FAT3: variants seen among roughly 807,000 people sequenced by gnomAD.
FAT3 encodes the protein protocadherin Fat 3.
FAT3 carries 95 observed loss-of-function variants against 310.2 expected under a neutral mutation model. The ratio of observed to expected loss-of-function variants is 0.31; its 90% CI spans 0.26 to 0.36. The LOEUF (loss-of-function observed/expected upper bound fraction) is 0.36, where lower values mean the gene tolerates loss of function less well. Among genes scored for constraint, FAT3 ranks in the 10% least tolerant of loss-of-function variants. The probability of loss-of-function intolerance (pLI) is 1.00; values close to 1 mark genes in which losing one functional copy is unlikely to be tolerated. For synonymous variants in FAT3, 2,314 were observed against 2,192.9 expected, an observed-to-expected ratio of 1.06 and a Z score of -1.54; for missense variants, 5,408 against 5,715.6, an observed-to-expected ratio of 0.95 and a Z score of 1.74.
chr11:92,564,480 A>T (rs996444434), intron 3 of FAT3, among the ~76,000 whole-genome samples: 10 of 151,324 alleles, frequency 6.6e-5, no homozygotes, highest in African/African-American at 2.4e-4. Flanking sequence ...CAGATCAACG[A>T]GACAGAAAGT....
At chr11:92,697,199 G>A (rs927083175) in intron 3 of FAT3, among the ~76,000 whole-genome samples, 185 bp from the exon 4 acceptor site, 2 of 152,116 alleles carry the variant, frequency 1.3e-5, no homozygotes, top group Admixed American at 6.5e-5. Flanking sequence ...AATTTTTCAG[G>A]TTTTCTTTGT....
chr11:92,872,981 T>C (rs935927605), intron 22 of FAT3, among the ~76,000 whole-genome samples: 1 of 152,208 alleles, frequency 6.6e-6, no homozygotes, highest in African/African-American at 2.4e-5. Context: ...TTTGGATGTT[T>C]CCCAGTCTTC....
intron 4 of FAT3, among the ~76,000 whole-genome samples, chr11:92,721,402 A>C (rs548738885): frequency 3.4e-4 from 52 of 152,324 alleles, no homozygotes; most frequent in Non-Finnish European, 5.9e-4. Flanking sequence ...AAACAGGTGA[A>C]CTTTATGGTA....
chr11:92,418,432 C>T (rs1370395166), intron 2 of FAT3, among the ~76,000 whole-genome samples: 1 of 101,196 alleles, frequency 9.9e-6, no homozygotes, highest in African/African-American at 3.8e-5. Context: ...CCCCCCACCC[C>T]CCCACACACA....
intron 1 of FAT3, among the ~76,000 whole-genome samples, chr11:92,269,219 C>G (rs1391980477): frequency 6.6e-6 from 1 of 151,990 alleles, no homozygotes. Context: ...TTGACAGATT[C>G]CAGAAATGCC....
At chr11:92,266,449 T>G (rs745534566) in intron 1 of FAT3, among the ~76,000 whole-genome samples, 4 of 152,222 alleles carry the variant, frequency 2.6e-5, no homozygotes, top group Non-Finnish European at 4.4e-5. Flanking sequence ...GTGGCCTCAG[T>G]TGATAGGTAC....
chr11:92,814,711 G>A (rs984605822), intron 13 of FAT3, among the ~76,000 whole-genome samples: 10 of 152,186 alleles, frequency 6.6e-5, no homozygotes, highest in Non-Finnish European at 1.3e-4. Context: ...GCCTGTTGGA[G>A]TGTAGGGGAC....
intron 4 of FAT3, among the ~76,000 whole-genome samples, chr11:92,731,699 T>TG (rs200720281): frequency 1.7e-5 from 2 of 115,400 alleles, no homozygotes; most frequent in Non-Finnish European, 3.9e-5. Context: ...TTCATTCTCT[T>TG]GGGAAAAAAA....
In FAT3 at chr11:92,837,693, G is replaced by A. The variant is rs770352277; in HGVS notation, c.10255G>A (p.Val3419Ile). Residue 3419 changes from valine (V) to isoleucine (I), a missense_variant, in exon 17 of 28, where the codon GTA becomes ATA. By Grantham distance (29) the Val-to-Ile change is conservative. This residue lies in a region of FAT3 where 4,588 missense variants were observed against 4,809.8 expected (regional missense o/e 0.95). Coordinates refer to ENST00000525166, the MANE Select transcript of FAT3 (RefSeq NM_001367949.2). The stretch of plus-strand genomic sequence containing the variant: ...TGGATACTCTCTGCTTGTCCAGGCC[G>A]TAGACAGTGGCATTCCTGCAATGTC... ...VSGYSLLVQAVDSGIPAMSST... is the reference protein window; with the variant it reads ...VSGYSLLVQAIDSGIPAMSST... 59 of 1,613,850 alleles carry A rather than the reference G, an allele frequency of 3.7e-5. 1 individual carries two copies. The highest frequency in any genetic ancestry group is 1.3e-4 in the East Asian group (6 of 44,864).
chr11:92,410,077 A>G (rs1950222545), intron 2 of FAT3, among the ~76,000 whole-genome samples: 1 of 152,140 alleles, frequency 6.6e-6, no homozygotes, highest in South Asian at 2.1e-4. Context: ...AAAAGAGTTT[A>G]CTTTTTACAT....
chr11:92,815,048 C>T lies in FAT3; in HGVS notation c.9481+4972C>T, dbSNP rs1401067969. On this transcript the variant is annotated intron_variant, in intron 13 of 27. Transcript: ENST00000525166. The stretch of plus-strand genomic sequence containing the variant: ...GATTAATGAGATAGGAAAAGTAGAC[C>T]GGGCCTGATTGTGGTTGTTTGTGAA... Among the ~76,000 whole-genome samples the T allele has an allele frequency of 3.9e-5, 6 of 151,972 alleles. No homozygotes were observed. The South Asian group carries it at 6.3e-4, about 16-fold the overall frequency.
At chr11:92,869,464 A>T (rs1020041055) in intron 22 of FAT3, among the ~76,000 whole-genome samples, 1 of 152,202 alleles carries the variant, frequency 6.6e-6, no homozygotes, top group Non-Finnish European at 1.5e-5. Context: ...AGGGCATGAG[A>T]TTCCTCTTCT....
intron 4 of FAT3, among the ~76,000 whole-genome samples, chr11:92,715,995 A>G (rs1461407671): frequency 6.6e-6 from 1 of 152,108 alleles, no homozygotes; most frequent in African/African-American, 2.4e-5. Flanking sequence ...ACAGAACCAT[A>G]AAAGGTTTTT....
In FAT3 at chr11:92,586,295, C is replaced by CA. The variant is rs139035838; in HGVS notation, c.3607+61348dup. Among the ~76,000 whole-genome samples the CA allele has an allele frequency of 1.8e-4, 28 of 152,064 alleles. No homozygotes were observed. In the East Asian group the frequency reaches 5.4e-3, roughly 29 times the overall value. ...CAGTGAGAAGTCCTGGGAGGAGTGG[C>CA]ACCTCAGTAGCAATGAGTATACCTA... is the stretch of plus-strand genomic sequence containing the variant. On this transcript the variant is annotated intron_variant, in intron 3 of 27. Transcript: ENST00000525166.
intron 7 of FAT3, among the ~76,000 whole-genome samples, chr11:92,786,197 A>G (rs1946888985): frequency 1.3e-5 from 2 of 152,164 alleles, no homozygotes; most frequent in Non-Finnish European, 2.9e-5. Context: ...AAACATACAA[A>G]TGCATGTTTT....
chr11:92,344,580 C>G (rs7938767), intron 1 of FAT3, among the ~76,000 whole-genome samples: 43,375 of 151,940 alleles, frequency 0.29, 9,221 homozygotes, highest in African/African-American at 0.6. Flanking sequence ...TCCTGACTTT[C>G]ATAAGAAAAG....
chr11:92,744,061 T>G (rs1483986559), intron 4 of FAT3, among the ~76,000 whole-genome samples: 2 of 152,214 alleles, frequency 1.3e-5, no homozygotes, highest in Non-Finnish European at 2.9e-5. Context: ...AGAAAGCGAC[T>G]GAGAGACTGC....
intron 3 of FAT3, among the ~76,000 whole-genome samples, chr11:92,594,855 A>C (rs998741258): frequency 3.3e-5 from 5 of 152,168 alleles, no homozygotes; most frequent in African/African-American, 1.2e-4. Context: ...CTATTTTAGT[A>C]GTACATCTAA....
intron 3 of FAT3, among the ~76,000 whole-genome samples, chr11:92,656,059 G>A (rs868234517): frequency 1.3e-5 from 2 of 152,106 alleles, no homozygotes; most frequent in Non-Finnish European, 2.9e-5. Context: ...TGCCCATCTC[G>A]CTGCCAGAGG....
Sources: gnomAD v4.1 joint callset for allele counts (sites outside exome capture counted in the v4.1 genomes callset) on GRCh38, gnomAD v4.1.1 for gene constraint, gnomAD v4.1.1 regional missense constraint, MANE v1.5 for transcripts, NCBI Gene and HGNC (gene_info 2026-07-23, HGNC 2026-07-21) for gene names.